Variants in PLCB4 observed in about 807,000 individuals in gnomAD.
PLCB4 encodes the protein 1-phosphatidylinositol 4,5-bisphosphate phosphodiesterase beta-4.
A neutral mutation model predicts 178.8 loss-of-function variants in PLCB4; 77 were observed. The ratio of observed to expected loss-of-function variants is 0.43; its 90% confidence interval spans 0.36 to 0.52. The LOEUF is 0.52. Ranked by LOEUF, PLCB4 falls within the 20% of genes least tolerant of loss-of-function variation. The pLI is 0.00. For missense variants in PLCB4, 1,024 were observed against 1,453.4 expected (o/e 0.70, Z 4.80); for synonymous variants, 496 against 490.8 (o/e 1.01, Z -0.14).
chr20:9,370,139 A>G (rs2036119203), intron 9 of PLCB4, among the ~76,000 whole-genome samples: 1 of 152,168 alleles, frequency 6.6e-6, no homozygotes, highest in African/African-American at 2.4e-5. Flanking sequence ...GTCTCTCCTA[A>G]CTTTTATCAT....
chr20:9,259,479 CAG>C (rs2094274412), intron 3 of PLCB4, among the ~76,000 whole-genome samples: 1 of 151,778 alleles, frequency 6.6e-6, no homozygotes, highest in Non-Finnish European at 1.5e-5. Context: ...TGTTATTTTA[CAG>C]AGAGAGGATT....
chr20:9,446,185 A>G (rs1568854379), intron 32 of PLCB4, among the ~76,000 whole-genome samples: 1 of 152,214 alleles, frequency 6.6e-6, no homozygotes, highest in African/African-American at 2.4e-5. Context: ...ATGTGAGGGA[A>G]TTAGGAATTA....
chr20:9,349,878 A>G (rs537650202), intron 7 of PLCB4, among the ~76,000 whole-genome samples: 2 of 152,330 alleles, frequency 1.3e-5, no homozygotes, highest in African/African-American at 2.4e-5. Context: ...TGGAAACATA[A>G]TGTATGCTGA....
At chr20:9,121,254 A>G (rs1022490111) in intron 2 of PLCB4, among the ~76,000 whole-genome samples, 2 of 152,106 alleles carry the variant, frequency 1.3e-5, no homozygotes, top group African/African-American at 2.4e-5. Flanking sequence ...AGTCCCTGAT[A>G]TGGAATATTC....
At chr20:9,169,199 T>C (rs1384808617) in intron 2 of PLCB4, among the ~76,000 whole-genome samples, 1 of 152,176 alleles carries the variant, frequency 6.6e-6, no homozygotes, top group Admixed American at 6.5e-5. Context: ...GCTGCTTCCT[T>C]CCTCTCACTT....
intron 3 of PLCB4, among the ~76,000 whole-genome samples, chr20:9,226,473 G>A (rs959266752): frequency 3.9e-5 from 6 of 152,202 alleles, no homozygotes; most frequent in Admixed American, 3.3e-4. Context: ...ATACATCACA[G>A]TGTGGTGGGA....
intron 32 of PLCB4, among the ~76,000 whole-genome samples, chr20:9,449,245 G>A (rs2042600734): frequency 6.6e-6 from 1 of 152,150 alleles, no homozygotes; most frequent in African/African-American, 2.4e-5. Context: ...TTAAGAGACA[G>A]GCATGCTTTT....
chr20:9,337,995 T>G lies in PLCB4; in HGVS notation c.166-13T>G, dbSNP rs1025359952. On this transcript the variant is annotated splice_polypyrimidine_tract_variant and intron_variant, in intron 5 of 39. Coordinates refer to ENST00000378473, the MANE Select transcript of PLCB4 (RefSeq NM_001377142.1). ...ATTTAAGCTCATTGCTGTGTTGTAT[T>G]CTCTCTCTTCAGGAAGGACAGGTGC... is the stretch of plus-strand genomic sequence containing the variant. 1.9e-6 allele frequency: 3 copies of G among 1,606,278 alleles called. No individual in the cohort carries two copies. The highest frequency in any genetic ancestry group is 2.6e-6 in the Non-Finnish European group (3 of 1,173,274).
Position 9,311,102 on chromosome 20 carries a change from A to T in PLCB4, c.84+3204A>T, listed in dbSNP as rs142774800. Among the ~76,000 whole-genome samples the T allele has an allele frequency of 3.8e-3, 584 of 152,316 alleles. 4 individuals carry two copies. Among genetic ancestry groups the T allele is most frequent in the African/African-American group, 0.013 (532 of 41,564 alleles). Reference sequence around the variant, plus strand: ...GTTTTTAAAAATACATGCAACCCAGATATCTCTAACTCAACCAGCCCCCTG... The same window carrying T: ...GTTTTTAAAAATACATGCAACCCAGTTATCTCTAACTCAACCAGCCCCCTG... On this transcript the variant is annotated intron_variant, in intron 4 of 39. Transcript: ENST00000378473.
At chr20:9,354,883 G>A (rs1437840867) in intron 7 of PLCB4, among the ~76,000 whole-genome samples, 1 of 152,188 alleles carries the variant, frequency 6.6e-6, no homozygotes, top group Non-Finnish European at 1.5e-5. Flanking sequence ...ATTAAAGTTT[G>A]AGAAACACCT....
intron 2 of PLCB4, among the ~76,000 whole-genome samples, chr20:9,100,931 G>A (rs1001322193): frequency 1.3e-5 from 2 of 151,990 alleles, no homozygotes; most frequent in Non-Finnish European, 2.9e-5. Flanking sequence ...ACGGTGTGTC[G>A]CCCGTGGAGG....
chr20:9,157,003 C>G (rs1389428998), intron 2 of PLCB4, among the ~76,000 whole-genome samples: 1 of 151,780 alleles, frequency 6.6e-6, no homozygotes, highest in African/African-American at 2.4e-5. Flanking sequence ...CTGGACCTCA[C>G]GGATCACTAG....
rs759049029 is a variant in PLCB4 at position 9,421,479 on chromosome 20, C to T, written c.2319+18C>T. 57 of 1,603,032 alleles carry T rather than the reference C, an allele frequency of 3.6e-5. No individual in the cohort carries two copies. Among genetic ancestry groups the T allele is most frequent in the Non-Finnish European group, 4.5e-5 (53 of 1,171,532 alleles). ...TTCGGAAGGTAGGACATTTTCAGCA[C>T]GTCAAACTTACTCTAATAACTTGGG... is the stretch of plus-strand genomic sequence containing the variant. On this transcript the variant is annotated intron_variant, in intron 27 of 39. Coordinates refer to ENST00000378473, the MANE Select transcript of PLCB4 (RefSeq NM_001377142.1).
intron 2 of PLCB4, among the ~76,000 whole-genome samples, chr20:9,198,018 T>C (rs1356324634): frequency 6.6e-6 from 1 of 152,068 alleles, no homozygotes; most frequent in Non-Finnish European, 1.5e-5. Context: ...CAAAATCTTA[T>C]GCTGATTCAG....
At chr20:9,337,899 C>T in intron 5 of PLCB4, 109 bp from the exon 6 acceptor site, 1 of 686,826 alleles carries the variant, frequency 1.5e-6, no homozygotes, top group Non-Finnish European at 2.7e-6. Flanking sequence ...TTCAAGCTGA[C>T]TGTAATCAGC....
intron 2 of PLCB4, among the ~76,000 whole-genome samples, chr20:9,120,822 C>T (rs1600546133): frequency 6.6e-6 from 1 of 152,302 alleles, no homozygotes; most frequent in East Asian, 1.9e-4. Flanking sequence ...CTCCACCTCA[C>T]TCCCAGCCTT....
At chr20:9,097,784 T>C (rs2090974984) in intron 2 of PLCB4, among the ~76,000 whole-genome samples, 1 of 152,026 alleles carries the variant, frequency 6.6e-6, no homozygotes, top group African/African-American at 2.4e-5. Flanking sequence ...ATGTTACTTA[T>C]AAAGCACCCA....
chr20:9,469,656 G>T (rs2044045497), intron 36 of PLCB4, among the ~76,000 whole-genome samples: 1 of 152,210 alleles, frequency 6.6e-6, no homozygotes, highest in Admixed American at 6.5e-5. Context: ...TTCCACCACA[G>T]ATTTGTCCCT....
At chr20:9,336,057 C>A (rs2148053409) in intron 4 of PLCB4, among the ~76,000 whole-genome samples, 1 of 152,176 alleles carries the variant, frequency 6.6e-6, no homozygotes, top group East Asian at 1.9e-4. Flanking sequence ...CCCTTAAAAC[C>A]TTAATCCTGT....
Sources: allele counts gnomAD v4.1 joint callset (sites outside exome capture counted in the v4.1 genomes callset), GRCh38; gene constraint gnomAD v4.1.1; transcripts MANE v1.5; gene names NCBI Gene and HGNC (gene_info 2026-07-23, HGNC 2026-07-21).